Variants in DPF3 observed in about 807,000 individuals in gnomAD.
DPF3 encodes double PHD fingers 3, also known as zinc finger protein DPF3.
In DPF3, 18 loss-of-function variants were observed where a neutral mutation model predicts 56.8. The observed-to-expected ratio is 0.32, with a 90% confidence interval of 0.22 to 0.47. The LOEUF is 0.47. Among genes scored for constraint, DPF3 ranks in the 20% least tolerant of loss-of-function variants. The probability of loss-of-function intolerance (pLI) is 1.00; values close to 1 mark genes in which losing one functional copy is unlikely to be tolerated. For missense variants in DPF3, 403 were observed against 488.8 expected, an observed-to-expected ratio of 0.82 and a Z score of 1.65; for synonymous variants, 188 against 180.2, an observed-to-expected ratio of 1.04 and a Z score of -0.35.
At chr14:72,689,744 G>A (rs766507978) in intron 7 of DPF3, among the ~76,000 whole-genome samples, 4 of 152,184 alleles carry the variant, frequency 2.6e-5, no homozygotes, top group Admixed American at 6.5e-5. Context: ...GCAAGTCAGC[G>A]GCGTGTGTGG....
chr14:72,633,451 T>C (rs1885277559), intron 8 of DPF3, among the ~76,000 whole-genome samples: 1 of 151,804 alleles, frequency 6.6e-6, no homozygotes, highest in Non-Finnish European at 1.5e-5. Flanking sequence ...GGAGCTCAAG[T>C]CCTCCAAGAT....
At chr14:72,693,265 G>A in intron 6 of DPF3, 52 bp from the exon 7 acceptor site, 1 of 1,577,380 alleles carries the variant, frequency 6.3e-7, no homozygotes, top group Non-Finnish European at 8.6e-7. Context: ...AGCAACCTGT[G>A]CAGCCACCGC....
At chr14:72,619,537 C>A (rs560763200) in intron 10 of DPF3, among the ~76,000 whole-genome samples, 170 bp from the exon 11 acceptor site, 14 of 152,322 alleles carry the variant, frequency 9.2e-5, no homozygotes, top group African/African-American at 3.4e-4. Flanking sequence ...AAAGCAGGTG[C>A]TCAGAGGAGA....
chr14:72,782,065 T>C (rs1420953407), intron 1 of DPF3, among the ~76,000 whole-genome samples: 13 of 152,116 alleles, frequency 8.5e-5, no homozygotes, highest in Non-Finnish European at 4.4e-5. Flanking sequence ...AGACTATTGA[T>C]TAGAGAAAAT....
At chr14:72,775,907 A>G (rs559712799) in intron 1 of DPF3, among the ~76,000 whole-genome samples, 2 of 152,184 alleles carry the variant, frequency 1.3e-5, no homozygotes, top group Middle Eastern at 3.4e-3. Context: ...AAGAAAATCA[A>G]TGACTAGTTC....
chr14:72,792,144 A>G (rs1892465132), intron 1 of DPF3, among the ~76,000 whole-genome samples: 1 of 134,580 alleles, frequency 7.4e-6, no homozygotes, highest in South Asian at 2.7e-4. Context: ...GCCAGGAGCC[A>G]TCACTCGTCC....
chr14:72,855,423 A>C (rs181271470), intron 1 of DPF3, among the ~76,000 whole-genome samples: 22 of 152,348 alleles, frequency 1.4e-4, no homozygotes, highest in Admixed American at 1.0e-3. Flanking sequence ...CAGAAAAAGT[A>C]ACTAAGGCAC....
chr14:72,732,027 TGAG>T (rs2139857455), intron 3 of DPF3, 93 bp from the exon 4 acceptor site: 3 of 1,480,014 alleles, frequency 2.0e-6, no homozygotes, highest in African/African-American at 1.4e-5. Context: ...CCAGGGCTCC[TGAG>T]GAGGACTCGG....
chr14:72,710,029 A>G (rs895124573), intron 6 of DPF3, among the ~76,000 whole-genome samples: 2 of 152,360 alleles, frequency 1.3e-5, no homozygotes, highest in Non-Finnish European at 2.9e-5. Context: ...TTCTCCCTGA[A>G]TATCACAACG....
intron 1 of DPF3, among the ~76,000 whole-genome samples, chr14:72,818,371 A>C (rs925345973): frequency 2.0e-5 from 3 of 152,226 alleles, no homozygotes; most frequent in African/African-American, 7.2e-5. Context: ...AAAATTAAAA[A>C]TTTCTGCTCT....
chr14:72,843,716 A>G (rs556059105), intron 1 of DPF3, among the ~76,000 whole-genome samples: 1 of 152,034 alleles, frequency 6.6e-6, no homozygotes, highest in South Asian at 2.1e-4. Context: ...CTAATTTTTT[A>G]TTTTTAGTAG....
chr14:72,797,500 C>T (rs1892691712), intron 1 of DPF3, among the ~76,000 whole-genome samples: 1 of 152,128 alleles, frequency 6.6e-6, no homozygotes, highest in Non-Finnish European at 1.5e-5. Flanking sequence ...ACAGTAAACG[C>T]TTCATGAATA....
chr14:72,793,420 C>T (rs978134562), intron 1 of DPF3, among the ~76,000 whole-genome samples: 3 of 152,106 alleles, frequency 2.0e-5, no homozygotes, highest in Non-Finnish European at 4.4e-5. Flanking sequence ...AAAAGCAAGA[C>T]GTAAAAGAAA....
In DPF3 at chr14:72,731,610, G is replaced by A. The variant is rs148513190; in HGVS notation, c.429+197C>T. 63 of 665,684 alleles carry A rather than the reference G, an allele frequency of 9.5e-5. No homozygotes were observed. In the East Asian group the frequency reaches 1.9e-3, roughly 20 times the overall value. The allele number at this position is 665,684 out of a possible 1,614,324, so 41.2% of individuals were successfully genotyped here. A position where few individuals can be genotyped will look rare whatever the true frequency, so the allele number is the denominator to read the frequency against. ...AGAGAGGGAAGGGAACCGAGGTGAA[G>A]GCAATAATGACTCCTTCGGAAGATA... is the stretch of plus-strand genomic sequence containing the variant. On this transcript the variant is annotated intron_variant, in intron 4 of 10. Coordinates refer to ENST00000556509, the MANE Select transcript of DPF3 (RefSeq NM_001280542.3).
chr14:72,639,908 T>C (rs1885493392), intron 8 of DPF3, among the ~76,000 whole-genome samples: 1 of 151,750 alleles, frequency 6.6e-6, no homozygotes. Context: ...TACAATGTGA[T>C]AAGTGCCATA....
intron 7 of DPF3, among the ~76,000 whole-genome samples, chr14:72,678,308 G>A (rs935796600): frequency 2.6e-5 from 4 of 152,194 alleles, no homozygotes; most frequent in African/African-American, 9.7e-5. Flanking sequence ...TCTCTTTAGA[G>A]TCAACCTGAT....
chr14:72,868,219 G>A (rs971749173), intron 1 of DPF3, among the ~76,000 whole-genome samples: 3 of 152,030 alleles, frequency 2.0e-5, no homozygotes, highest in African/African-American at 7.2e-5. Context: ...AAGGAAGAAG[G>A]GCAAAGGGTA....
Position 72,616,080 on chromosome 14 carries a change from A to G in DPF3, c.*3217T>C, listed in dbSNP as rs1399200097. 1.3e-5 allele frequency among the ~76,000 whole-genome samples: 2 copies of G among 152,156 alleles called. No homozygotes were observed. The highest frequency in any genetic ancestry group is 2.4e-5 in the African/African-American group (1 of 41,432). ...CTACCATGGAGTGGGGACCATCATC[A>G]TGCCAGACCCGGGCCAGGATCTTTA... On this transcript the variant is annotated 3_prime_UTR_variant, in exon 11 of 11. Coordinates refer to ENST00000556509, the MANE Select transcript of DPF3 (RefSeq NM_001280542.3).
chr14:72,732,977 G>T (rs1340718992), intron 3 of DPF3, among the ~76,000 whole-genome samples: 1 of 150,388 alleles, frequency 6.6e-6, no homozygotes, highest in Non-Finnish European at 1.5e-5. Flanking sequence ...TATCACCCAG[G>T]CTGGAGTGCA....
Sources: gnomAD v4.1 joint callset for allele counts (sites outside exome capture counted in the v4.1 genomes callset) on GRCh38, gnomAD v4.1.1 for gene constraint, MANE v1.5 for transcripts, NCBI Gene and HGNC (gene_info 2026-07-23, HGNC 2026-07-21) for gene names.